MTDH: variants seen among roughly 807,000 people sequenced by gnomAD.
MTDH encodes the protein metadherin.
Under a neutral mutation model 72.7 loss-of-function variants are expected in MTDH, and 34 were observed. The observed-to-expected ratio is 0.47, with a 90% CI of 0.36 to 0.62. The LOEUF is 0.62. Among genes scored for constraint, MTDH ranks in the 20% least tolerant of loss-of-function variants. The probability of loss-of-function intolerance (pLI) is 0.00; values close to 1 mark genes in which losing one functional copy is unlikely to be tolerated. For missense variants in MTDH, 677 were observed against 699.4 expected (o/e 0.97, Z 0.36); for synonymous variants, 266 against 268.9 (o/e 0.99, Z 0.10).
At chr8:97,703,927 A>G (rs1290492915) in intron 7 of MTDH, among the ~76,000 whole-genome samples, 3 of 152,184 alleles carry the variant, frequency 2.0e-5, no homozygotes, top group East Asian at 3.8e-4. Context: ...GACCAAAATC[A>G]TCTTGTTATT....
intron 10 of MTDH, among the ~76,000 whole-genome samples, chr8:97,720,814 T>A (rs866891756): frequency 1.2e-4 from 18 of 151,260 alleles, no homozygotes; most frequent in Middle Eastern, 3.2e-3. Context: ...CCACCACCCC[T>A]GGCTAATTTT....
intron 6 of MTDH, among the ~76,000 whole-genome samples, chr8:97,696,808 A>G (rs894561887): frequency 6.6e-6 from 1 of 152,026 alleles, no homozygotes; most frequent in African/African-American, 2.4e-5. Flanking sequence ...AACTACATGT[A>G]TTTAACAAAT....
intron 2 of MTDH, among the ~76,000 whole-genome samples, chr8:97,670,297 A>C (rs1812559024): frequency 1.3e-5 from 2 of 152,118 alleles, no homozygotes; most frequent in South Asian, 4.1e-4. Flanking sequence ...GCCTGGGTGA[A>C]GAGTGAGACC....
At chr8:97,713,268 G>T (rs186004135) in intron 8 of MTDH, among the ~76,000 whole-genome samples, 1 of 151,958 alleles carries the variant, frequency 6.6e-6, no homozygotes, top group East Asian at 1.9e-4. Context: ...TGTATTTTTA[G>T]TAGAGATGGG....
intron 6 of MTDH, among the ~76,000 whole-genome samples, chr8:97,697,150 A>ATATTTTTTTTTTTT: frequency 8.7e-5 from 6 of 68,788 alleles, no homozygotes; most frequent in African/African-American, 5.5e-4. Context: ...ATATATATAT[A>ATATTTTTTTTTTTT]TTTTTTTTTT....
chr8:97,720,490 C>T (rs554789737), intron 10 of MTDH, among the ~76,000 whole-genome samples: 2 of 151,766 alleles, frequency 1.3e-5, no homozygotes, highest in South Asian at 4.2e-4. Flanking sequence ...GTGGGAAGAT[C>T]ACTTGAGCCC....
In MTDH at chr8:97,644,745, A is replaced by G. The variant is rs775611004; in HGVS notation, c.239A>G (p.Lys80Arg). Residue 80 changes from lysine (K) to arginine (R), a missense_variant, in exon 1 of 12, where the codon AAA becomes AGA. Coordinates refer to ENST00000336273, the MANE Select transcript of MTDH (RefSeq NM_178812.4). Reference sequence around the variant, plus strand: ...GCCGCGGCTTGCGCCGGCGCCCGCAAAAAGCGGAGGAGCCCGCCCCGCAAG... The same window carrying G: ...GCCGCGGCTTGCGCCGGCGCCCGCAGAAAGCGGAGGAGCCCGCCCCGCAAG... ...GWAAACAGAR[K>R]KRRSPPRKRE... 5 of 1,575,354 alleles carry G rather than the reference A, an allele frequency of 3.2e-6. No homozygotes were observed. The South Asian group carries it at 4.6e-5, about 14-fold the overall frequency.
chr8:97,645,329 G>C (rs2468027), intron 1 of MTDH, among the ~76,000 whole-genome samples: 73,384 of 152,050 alleles, frequency 0.48, 21,071 homozygotes, highest in African/African-American at 0.79. Context: ...GAGACAGTAG[G>C]CAGTGGAAGA....
intron 11 of MTDH, 47 bp from the exon 12 acceptor site, chr8:97,724,553 A>T: frequency 7.6e-7 from 1 of 1,311,156 alleles, no homozygotes; most frequent in Non-Finnish European, 1.1e-6. Context: ...AACAGTATTT[A>T]CCATCCTCCT....
At chr8:97,672,881 T>A (rs1051612097) in intron 2 of MTDH, among the ~76,000 whole-genome samples, 1 of 152,216 alleles carries the variant, frequency 6.6e-6, no homozygotes, top group Non-Finnish European at 1.5e-5. Flanking sequence ...CCATGTTGCT[T>A]GTGCCGTGTG....
intron 8 of MTDH, among the ~76,000 whole-genome samples, chr8:97,710,558 T>A (rs570820507): frequency 1.4e-5 from 2 of 148,086 alleles, no homozygotes; most frequent in South Asian, 2.1e-4. Flanking sequence ...TTTAGCTGGA[T>A]GTGGCAGTGT....
intron 9 of MTDH, 68 bp from the exon 10 acceptor site, chr8:97,718,981 C>T: frequency 7.0e-7 from 1 of 1,435,692 alleles, no homozygotes; most frequent in Non-Finnish European, 9.5e-7. Flanking sequence ...CAGCCATACA[C>T]CACCATAGAT....
intron 1 of MTDH, among the ~76,000 whole-genome samples, chr8:97,647,872 A>G (rs78444775): frequency 0.025 from 3,822 of 151,172 alleles, 106 homozygotes; most frequent in African/African-American, 0.061. Context: ...TGAGCCTAGG[A>G]GTTTGACGCT....
chr8:97,692,933 T>C (rs554595148), intron 6 of MTDH, among the ~76,000 whole-genome samples: 1 of 152,264 alleles, frequency 6.6e-6, no homozygotes, highest in African/African-American at 2.4e-5. Flanking sequence ...GGTTTCACCA[T>C]GTTGGCCACA....
At chr8:97,714,433 C>T (rs1422204059) in intron 9 of MTDH, among the ~76,000 whole-genome samples, 1 of 151,996 alleles carries the variant, frequency 6.6e-6, no homozygotes, top group Non-Finnish European at 1.5e-5. Context: ...GGCAACATGG[C>T]AAAACCCTGT....
At chr8:97,660,173 A>G (rs1812123797) in intron 1 of MTDH, among the ~76,000 whole-genome samples, 1 of 152,212 alleles carries the variant, frequency 6.6e-6, no homozygotes, top group African/African-American at 2.4e-5. Context: ...AAAAAGGTAA[A>G]AAAAGAATGA....
rs1202431108 is a variant in MTDH, at chr8:97,667,170, A to G, written c.483+5997A>G. On this transcript the variant is annotated intron_variant, in intron 2 of 11. Transcript: ENST00000336273. ...CATGTGCCCAGCTAATTTTTTGTAG[A>G]GACGCTGTCTTACCATGTTGCCCAG... Among the ~76,000 whole-genome samples the G allele has an allele frequency of 3.3e-5, 5 of 152,220 alleles. No individual in the cohort carries two copies. In the East Asian group the frequency reaches 9.7e-4, roughly 29 times the overall value.
At chr8:97,680,782 C>G (rs1813037718) in intron 2 of MTDH, among the ~76,000 whole-genome samples, 1 of 152,072 alleles carries the variant, frequency 6.6e-6, no homozygotes, top group Admixed American at 6.6e-5. Flanking sequence ...GTATCTGAAC[C>G]CCTGCTAATT....
At chr8:97,690,607 A>G (rs1813560666) in intron 5 of MTDH, among the ~76,000 whole-genome samples, 1 of 150,712 alleles carries the variant, frequency 6.6e-6, no homozygotes, top group Admixed American at 6.7e-5. Flanking sequence ...GCCAGGTTTT[A>G]GAATCATTGC....
Sources: allele counts gnomAD v4.1 joint callset (sites outside exome capture counted in the v4.1 genomes callset), GRCh38; gene constraint gnomAD v4.1.1; transcripts MANE v1.5; gene names NCBI Gene and HGNC (gene_info 2026-07-23, HGNC 2026-07-21).